PDE4D: variants seen among roughly 807,000 people sequenced by gnomAD.
The protein encoded by PDE4D is 3',5'-cyclic-AMP phosphodiesterase 4D.
A neutral mutation model predicts 87.4 loss-of-function variants in PDE4D; 24 were observed. That is an observed-to-expected ratio of 0.27 (90% CI 0.20 to 0.39). PDE4D has a LOEUF of 0.39. PDE4D is among the 10% of genes least tolerant of loss of function. The pLI, the probability that PDE4D is intolerant of heterozygous loss-of-function variation, is 1.00. For synonymous variants in PDE4D, 384 were observed against 383.2 expected, an observed-to-expected ratio of 1.00 and a Z score of -0.02; for missense variants, 714 against 1,041.0, an observed-to-expected ratio of 0.69 and a Z score of 4.32.
intron 1 of PDE4D, among the ~76,000 whole-genome samples, chr5:59,384,254 A>G (rs1786512644): frequency 6.6e-6 from 1 of 152,100 alleles, no homozygotes; most frequent in Admixed American, 6.6e-5. Flanking sequence ...TGAGGCAACC[A>G]TTAGCGATAC....
chr5:59,201,711 TA>T (rs1490480901), intron 2 of PDE4D, among the ~76,000 whole-genome samples: 1 of 152,186 alleles, frequency 6.6e-6, no homozygotes, highest in Non-Finnish European at 1.5e-5. Flanking sequence ...CCCTAGGGAA[TA>T]AAGTTCCTAA....
At chr5:59,532,378 T>C (rs1814398196) in intron 1 of PDE4D, among the ~76,000 whole-genome samples, 1 of 152,154 alleles carries the variant, frequency 6.6e-6, no homozygotes, top group African/African-American at 2.4e-5. Context: ...CCTCAGGGGA[T>C]CTGCCTGCCT....
chr5:59,066,046 T>C (rs965260504), intron 5 of PDE4D, among the ~76,000 whole-genome samples: 34 of 152,092 alleles, frequency 2.2e-4, no homozygotes, highest in Non-Finnish European at 5.9e-5. Context: ...CGGATGCTGT[T>C]CTAAAAAAAA....
intron 1 of PDE4D, among the ~76,000 whole-genome samples, chr5:59,414,566 A>C (rs543185389): frequency 2.6e-5 from 4 of 152,348 alleles, no homozygotes; most frequent in African/African-American, 9.6e-5. Context: ...TGTGTGGATG[A>C]AAAGCAAGAG....
chr5:60,190,468 T>G (rs1785112574), intron 1 of PDE4D, among the ~76,000 whole-genome samples: 1 of 152,232 alleles, frequency 6.6e-6, no homozygotes, highest in Non-Finnish European at 1.5e-5. Flanking sequence ...TTTCCTGCTA[T>G]TTACATTTTC....
chr5:60,439,923 A>AAAC (rs1561259461), intron 1 of PDE4D, among the ~76,000 whole-genome samples: 2 of 144,500 alleles, frequency 1.4e-5, no homozygotes, highest in African/African-American at 4.9e-5. Flanking sequence ...GTTTAAAAAA[A>AAAC]AAAACAAAAA....
intron 1 of PDE4D, among the ~76,000 whole-genome samples, chr5:59,840,807 A>C (rs1362719337): frequency 6.6e-6 from 1 of 152,074 alleles, no homozygotes; most frequent in African/African-American, 2.4e-5. Context: ...GGAAATGTGA[A>C]ATATTCAGGG....
chr5:60,198,666 T>A (rs773008634), intron 1 of PDE4D, among the ~76,000 whole-genome samples: 1 of 151,664 alleles, frequency 6.6e-6, no homozygotes, highest in Non-Finnish European at 1.5e-5. Flanking sequence ...TCCCCTGATA[T>A]GTCTTTAACA....
chr5:59,024,218 T>TG, intron 6 of PDE4D, among the ~76,000 whole-genome samples: 1 of 146,816 alleles, frequency 6.8e-6, no homozygotes, highest in Non-Finnish European at 1.5e-5. Flanking sequence ...TTTTTTTTTT[T>TG]GAGACAGAGT....
intron 1 of PDE4D, among the ~76,000 whole-genome samples, chr5:60,440,977 A>G (rs1745159403): frequency 2.6e-5 from 4 of 152,128 alleles, no homozygotes; most frequent in African/African-American, 9.6e-5. Context: ...ATCACATAGA[A>G]ATCAAGATTC....
chr5:59,986,654 G>A (rs1182646321), intron 3 of PDE4D: 2 of 152,186 alleles, frequency 1.3e-5, no homozygotes, highest in Non-Finnish European at 2.9e-5. Context: ...AGGAAGACCT[G>A]TTTGAAACAT....
intron 1 of PDE4D, among the ~76,000 whole-genome samples, chr5:59,778,092 A>C (rs1448521168): frequency 6.6e-6 from 1 of 152,214 alleles, no homozygotes; most frequent in African/African-American, 2.4e-5. Context: ...ACCATGTGCT[A>C]GGTTCTGTGG....
chr5:59,580,545 T>C (rs1200630030), intron 1 of PDE4D, among the ~76,000 whole-genome samples: 2 of 152,030 alleles, frequency 1.3e-5, no homozygotes, highest in Admixed American at 1.3e-4. Context: ...TGGCTTATCG[T>C]AGCCTCAACC....
At chr5:60,048,045 G>T (rs1429585560) in intron 2 of PDE4D, among the ~76,000 whole-genome samples, 1 of 152,094 alleles carries the variant, frequency 6.6e-6, no homozygotes, top group African/African-American at 2.4e-5. Flanking sequence ...GCATCTGGGT[G>T]CTCCTGTATT....
intron 1 of PDE4D, among the ~76,000 whole-genome samples, chr5:60,323,155 G>A (rs1756467431): frequency 6.6e-6 from 1 of 152,090 alleles, no homozygotes; most frequent in Non-Finnish European, 1.5e-5. Flanking sequence ...ATGATGTCAT[G>A]TACCACCTGT....
Position 59,448,879 on chromosome 5 carries a change from C to G in PDE4D, c.456-232911G>C, listed in dbSNP as rs369840844. Among the ~76,000 whole-genome samples the G allele has an allele frequency of 6.6e-5, 10 of 152,192 alleles. No homozygotes were observed. The East Asian group carries it at 1.9e-3, about 29-fold the overall frequency. ...TGAACTTCTGGGCTCAAGTGATCCTCCCGCCTTGGCCTCCCAAAGCACTGG... is the reference window on the plus strand; with the variant it reads ...TGAACTTCTGGGCTCAAGTGATCCTGCCGCCTTGGCCTCCCAAAGCACTGG... On this transcript the variant is annotated intron_variant, in intron 1 of 14. Transcript: ENST00000340635.
At chr5:59,631,354 A>G (rs907050508) in intron 1 of PDE4D, among the ~76,000 whole-genome samples, 10 of 152,220 alleles carry the variant, frequency 6.6e-5, no homozygotes, top group African/African-American at 2.2e-4. Flanking sequence ...ACAGTTAAAA[A>G]AGAGCAACTA....
intron 1 of PDE4D, among the ~76,000 whole-genome samples, chr5:59,852,874 A>C (rs1744891454): frequency 6.6e-6 from 1 of 152,020 alleles, no homozygotes. Context: ...TTTCCAGATA[A>C]GCACAGGCTA....
intron 1 of PDE4D, among the ~76,000 whole-genome samples, chr5:59,584,727 C>G (rs748878012): frequency 6.6e-5 from 10 of 152,110 alleles, no homozygotes; most frequent in Non-Finnish European, 1.3e-4. Context: ...TGGGCTTAAA[C>G]AGCAGAACTT....
Sources: allele counts gnomAD v4.1 joint callset (sites outside exome capture counted in the v4.1 genomes callset), GRCh38; gene constraint gnomAD v4.1.1; transcripts MANE v1.5; gene names NCBI Gene and HGNC (gene_info 2026-07-23, HGNC 2026-07-21).